EVI5: variants seen among roughly 807,000 people sequenced by gnomAD.
EVI5 encodes ecotropic viral integration site 5 protein homolog.
In EVI5, 73 loss-of-function variants were observed where a neutral mutation model predicts 112.0. That is an observed-to-expected ratio of 0.65 (90% CI 0.54 to 0.79). The LOEUF is 0.79. EVI5 is among the 30% of genes least tolerant of loss of function. The pLI is 0.00. For synonymous variants in EVI5, 305 were observed against 319.9 expected, an observed-to-expected ratio of 0.95 and a Z score of 0.50; for missense variants, 900 against 968.8, an observed-to-expected ratio of 0.93 and a Z score of 0.94.
intron 18 of EVI5, among the ~76,000 whole-genome samples, chr1:92,578,716 TAA>T (rs71586756): frequency 4.1e-4 from 50 of 121,546 alleles, no homozygotes; most frequent in African/African-American, 3.9e-4. Context: ...AGACTCTGTC[TAA>T]AAAAAAAAAA....
At chr1:92,746,888 C>G (rs1184637200) in intron 1 of EVI5, among the ~76,000 whole-genome samples, 1 of 107,548 alleles carries the variant, frequency 9.3e-6, no homozygotes, top group Non-Finnish European at 1.9e-5. Flanking sequence ...GAGCAAGACT[C>G]TGGTTCAAAA....
At chr1:92,732,131 A>G (rs921169597) in intron 2 of EVI5, 2 of 167,662 alleles carry the variant, frequency 1.2e-5, no homozygotes, top group African/African-American at 4.8e-5. Context: ...CGGCAGTCTC[A>G]TGGTTGTCCT....
Position 92,736,445 on chromosome 1 carries a change from C to T in EVI5, c.102G>A (p.Leu34=). The change falls in exon 2 of 20, where the codon TTG becomes TTA. Residue 34 remains leucine, a synonymous_variant. Coordinates refer to ENST00000684568, the MANE Select transcript of EVI5 (RefSeq NM_001350197.2). ...PALSPSSPSQ[L]SPDDLELLAK... The stretch of plus-strand genomic sequence containing the variant: ...CCAGGAGTTCTAAGTCGTCTGGACT[C>T]AACTGTGATGGGGAAGATGGTGAAA... The T allele has an allele frequency of 6.2e-7, 1 of 1,613,844 alleles. No homozygotes were observed. The highest frequency in any genetic ancestry group is 8.5e-7 in the Non-Finnish European group (1 of 1,179,868).
chr1:92,556,341 C>T lies in EVI5; in HGVS notation c.2166+7301G>A, dbSNP rs537094587. Among the ~76,000 whole-genome samples, 18 of 151,836 alleles carry T rather than the reference C, an allele frequency of 1.2e-4. No individual in the cohort carries two copies. In the South Asian group the frequency reaches 3.5e-3, roughly 30 times the overall value. On this transcript the variant is annotated intron_variant, in intron 19 of 19. Coordinates refer to ENST00000684568, the MANE Select transcript of EVI5 (RefSeq NM_001350197.2). ...CTTCCCAAAGTGTTGGGATTACAGGCGTGAGCCACTGCTTTAAATAGAAAA... is the reference window on the plus strand; with the variant it reads ...CTTCCCAAAGTGTTGGGATTACAGGTGTGAGCCACTGCTTTAAATAGAAAA...
intron 18 of EVI5, among the ~76,000 whole-genome samples, chr1:92,565,481 A>T (rs983122222): frequency 1.3e-5 from 2 of 152,176 alleles, no homozygotes; most frequent in African/African-American, 4.8e-5. Flanking sequence ...AACGTGTCTT[A>T]CAATTACCTT....
chr1:92,631,826 A>G (rs1657190108), intron 14 of EVI5, among the ~76,000 whole-genome samples: 2 of 152,172 alleles, frequency 1.3e-5, no homozygotes, highest in Non-Finnish European at 1.5e-5. Context: ...TTTGTCATAA[A>G]CAGCTCTTAT....
chr1:92,740,926 T>G (rs749193999), intron 1 of EVI5, among the ~76,000 whole-genome samples: 1 of 152,160 alleles, frequency 6.6e-6, no homozygotes, highest in Non-Finnish European at 1.5e-5. Context: ...GACTCTGATA[T>G]GAAATTTTGA....
chr1:92,781,910 G>A (rs576109529), intron 1 of EVI5, among the ~76,000 whole-genome samples: 55 of 135,794 alleles, frequency 4.1e-4, no homozygotes, highest in African/African-American at 1.4e-3. Context: ...AGCCGTGATC[G>A]TGCCACTGCA....
intron 19 of EVI5, among the ~76,000 whole-genome samples, chr1:92,555,983 G>C (rs1667622239): frequency 6.6e-6 from 1 of 151,468 alleles, no homozygotes; most frequent in Non-Finnish European, 1.5e-5. Flanking sequence ...TCTACCTTTA[G>C]TATTTTAGTT....
chr1:92,577,605 T>A (rs1359635371), intron 18 of EVI5, among the ~76,000 whole-genome samples: 1 of 152,242 alleles, frequency 6.6e-6, no homozygotes, highest in African/African-American at 2.4e-5. Context: ...TTCAGCCTGT[T>A]CTATCATTTG....
intron 1 of EVI5, among the ~76,000 whole-genome samples, chr1:92,769,407 C>G (rs1321823576): frequency 6.6e-6 from 1 of 152,100 alleles, no homozygotes; most frequent in Admixed American, 6.6e-5. Flanking sequence ...ATTTATTTTA[C>G]TTAAAGTACT....
rs186182288 is a variant in EVI5 at position 92,593,413 on chromosome 1, C to T, written c.2070+11894G>A. On this transcript the variant is annotated intron_variant, in intron 18 of 19. Coordinates refer to ENST00000684568, the MANE Select transcript of EVI5 (RefSeq NM_001350197.2). The stretch of plus-strand genomic sequence containing the variant: ...CTCAATAAATTAGGTATTGATGGGA[C>T]GTATCTCAAAATAATTAGAGCTATC... Among the ~76,000 whole-genome samples, 121 of 152,244 alleles carry T rather than the reference C, an allele frequency of 7.9e-4. 1 individual carries two copies. The highest frequency in any genetic ancestry group is 4.4e-3 in the South Asian group (21 of 4,818).
In EVI5 at chr1:92,722,044, A is replaced by ATTT. The variant is rs10650713; in HGVS notation, c.149+14351_149+14353dup. 7.2e-4 allele frequency among the ~76,000 whole-genome samples: 109 copies of ATTT among 151,824 alleles called. 1 individual carries two copies. The highest frequency in any genetic ancestry group is 2.4e-3 in the African/African-American group (101 of 41,400). On this transcript the variant is annotated intron_variant, in intron 2 of 19. Coordinates refer to ENST00000684568, the MANE Select transcript of EVI5 (RefSeq NM_001350197.2). ...TCCTGCCCCAACTTCATGTCCCACT[A>ATTT]TTTTAATTACTTAAAATTATATTTT...
At chr1:92,591,763 T>C (rs1160405147) in intron 18 of EVI5, among the ~76,000 whole-genome samples, 20 of 152,154 alleles carry the variant, frequency 1.3e-4, no homozygotes, top group South Asian at 4.1e-4. Flanking sequence ...GTGGACCTAA[T>C]AGACATCTAC....
chr1:92,738,918 TG>T (rs1400607684), intron 1 of EVI5, among the ~76,000 whole-genome samples: 1 of 151,984 alleles, frequency 6.6e-6, no homozygotes, highest in Non-Finnish European at 1.5e-5. Context: ...AATCTGACAA[TG>T]TAAATATGTC....
intron 4 of EVI5, among the ~76,000 whole-genome samples, chr1:92,702,743 T>C (rs1296805573): frequency 6.6e-6 from 1 of 150,688 alleles, no homozygotes; most frequent in African/African-American, 2.5e-5. Flanking sequence ...GAGGTGGAGG[T>C]TGCAGTGAGC....
intron 10 of EVI5, among the ~76,000 whole-genome samples, chr1:92,673,649 T>C (rs996319378): frequency 6.6e-6 from 1 of 152,130 alleles, no homozygotes; most frequent in Non-Finnish European, 1.5e-5. Context: ...AATTTTAATA[T>C]TTTTCACCTC....
chr1:92,725,352 G>T (rs1261485074), intron 2 of EVI5, among the ~76,000 whole-genome samples: 5 of 152,080 alleles, frequency 3.3e-5, no homozygotes, highest in Admixed American at 6.6e-5. Flanking sequence ...CTCAGTAGGG[G>T]GGAATAATAG....
chr1:92,705,364 T>A (rs535965608), intron 2 of EVI5, among the ~76,000 whole-genome samples: 2 of 152,214 alleles, frequency 1.3e-5, no homozygotes, highest in Non-Finnish European at 2.9e-5. Context: ...CTAGATTCTC[T>A]TGAAAAATAA....
Sources: gnomAD v4.1 joint callset for allele counts (sites outside exome capture counted in the v4.1 genomes callset) on GRCh38, gnomAD v4.1.1 for gene constraint, MANE v1.5 for transcripts, NCBI Gene and HGNC (gene_info 2026-07-23, HGNC 2026-07-21) for gene names.